Variants in XRN1 observed in about 807,000 individuals in gnomAD.
XRN1 encodes 5'-3' exoribonuclease 1, also known as strand-exchange protein 1 homolog.
Under a neutral mutation model 222.3 loss-of-function variants are expected in XRN1, and 67 were observed. That is an observed-to-expected ratio of 0.30 (90% CI 0.25 to 0.37). The LOEUF is 0.37. Ranked by LOEUF, XRN1 falls within the 10% of genes least tolerant of loss-of-function variation. XRN1 has a pLI of 1.00. For synonymous variants in XRN1, 643 were observed against 652.4 expected (o/e 0.99, Z 0.22); for missense variants, 1,707 against 2,000.2 (o/e 0.85, Z 2.80).
intron 1 of XRN1, among the ~76,000 whole-genome samples, chr3:142,438,971 C>T (rs1195289523): frequency 6.6e-6 from 1 of 151,930 alleles, no homozygotes; most frequent in Non-Finnish European, 1.5e-5. Flanking sequence ...CCAAAGGAGA[C>T]AGACAAAGGG....
rs1450227872 is a variant in XRN1, at chr3:142,332,591, T to C, written c.4063-57A>G. On this transcript the variant is annotated intron_variant, in intron 35 of 40. Coordinates refer to ENST00000392981, the MANE Select transcript of XRN1 (RefSeq NM_001282857.2). ...AGGGTGAAGAGAACAAAGTCAACAT[T>C]ACATCTGTAGAACTTATTGATCTTT... is the stretch of plus-strand genomic sequence containing the variant. 40 of 1,459,018 alleles carry C rather than the reference T, an allele frequency of 2.7e-5. No homozygotes were observed. In the Middle Eastern group the frequency reaches 5.5e-4, roughly 20 times the overall value. 90.4% of individuals were successfully genotyped at this position (1,459,018 alleles called of 1,614,324 possible).
rs776401099 is a variant in XRN1, at chr3:142,311,556, T to C, written c.5040A>G (p.Ser1680=). 8.1e-6 allele frequency: 13 copies of C among 1,610,704 alleles called. No homozygotes were observed. Among genetic ancestry groups the C allele is most frequent in the Non-Finnish European group, 1.1e-5 (13 of 1,177,818 alleles). Residue 1680 remains serine, a synonymous_variant, in exon 41 of 41, where the codon TCA becomes TCG. Transcript: ENST00000392981. Reference sequence around the variant, plus strand: ...CACCAAAATTAACAGCCAGTTTTCTTGATTTTCTTCTTGAAGAAGAGATTG... The same window carrying C: ...CACCAAAATTAACAGCCAGTTTTCTCGATTTTCTTCTTGAAGAAGAGATTG... The part of the protein sequence containing the change: ...STPISSSRRK[S]RKLAVNFGVS...
At chr3:142,412,337 G>A (rs1008300208) in intron 15 of XRN1, among the ~76,000 whole-genome samples, 1 of 151,942 alleles carries the variant, frequency 6.6e-6, no homozygotes, top group Non-Finnish European at 1.5e-5. Flanking sequence ...TCCTTGTTCT[G>A]AGGACTACTT....
Position 142,329,437 on chromosome 3 carries a change from T to C in XRN1, c.4401A>G (p.Pro1467=), listed in dbSNP as rs144514727. Residue 1467 remains proline (P), a synonymous_variant, in exon 37 of 41, where the codon CCA becomes CCG. Coordinates refer to ENST00000392981, the MANE Select transcript of XRN1 (RefSeq NM_001282857.2). ...ATAGAACAGTAGTATACTATACCTG[T>C]GGCATCCTAAGAAAGGAGAAATCAG... ...PQPDFSFLRM[P]QTMTVCQVKL... is the part of the protein sequence containing the mutation. 7 of 1,564,358 alleles carry C rather than the reference T, an allele frequency of 4.5e-6. No individual in the cohort carries two copies. The highest frequency in any genetic ancestry group is 6.0e-6 in the Non-Finnish European group (7 of 1,161,586).
intron 33 of XRN1, 36 bp downstream of exon 33, chr3:142,347,198 G>T: frequency 7.6e-7 from 1 of 1,320,754 alleles, no homozygotes; most frequent in Non-Finnish European, 1.1e-6. Context: ...AAAAGAAGCA[G>T]CACACACAAG....
rs1178140493 is a variant in XRN1 at position 142,375,944 on chromosome 3, G to T, written c.2832C>A (p.Asn944Lys). Residue 944 changes from asparagine (N) to lysine (K), a missense_variant and splice_region_variant, in exon 25 of 41, where the codon AAC (asparagine) becomes AAA (lysine). Coordinates refer to ENST00000392981, the MANE Select transcript of XRN1 (RefSeq NM_001282857.2). ...SIFIGRGSRR[N>K]PHGDHKANVG... ...CATTTGCTTTATGGTCTCCATGAGGGCTGAATTTAAACCACACATGCGCAC... is the reference window on the plus strand; with the variant it reads ...CATTTGCTTTATGGTCTCCATGAGGTCTGAATTTAAACCACACATGCGCAC... 1 of 1,610,660 alleles carries T rather than the reference G, an allele frequency of 6.2e-7. No homozygotes were observed. Among genetic ancestry groups the T allele is most frequent in the East Asian group, 2.2e-5 (1 of 44,802 alleles).
Position 142,359,949 on chromosome 3 carries a change from GA to G in XRN1, c.3395-19del. 3 of 1,537,872 alleles carry G rather than the reference GA, an allele frequency of 2.0e-6. No individual in the cohort carries two copies. Among genetic ancestry groups the G allele is most frequent in the Admixed American group, 4.0e-5 (2 of 50,216 alleles). ...TCTATTAGCTGTTACAATAGGGAGA[GA>G]AAAAGAGACACTAAAAAATCATATG... On this transcript the variant is annotated intron_variant, in intron 29 of 40. Transcript: ENST00000392981.
chr3:142,426,959 C>T, intron 2 of XRN1, 118 bp from the exon 3 acceptor site: 1 of 681,764 alleles, frequency 1.5e-6, no homozygotes, highest in Non-Finnish European at 2.5e-6. Flanking sequence ...TTTTAACGTT[C>T]AAAACATACA....
At chr3:142,316,236 G>A (rs74735191) in intron 39 of XRN1, among the ~76,000 whole-genome samples, 1 of 28,990 alleles carries the variant, frequency 3.4e-5, no homozygotes, top group African/African-American at 1.4e-4. Context: ...TTTTTTTTTT[G>A]AGACAGGTCT....
intron 20 of XRN1, among the ~76,000 whole-genome samples, chr3:142,393,917 C>G (rs574602327): frequency 3.9e-4 from 59 of 152,112 alleles, no homozygotes; most frequent in African/African-American, 1.3e-3. Flanking sequence ...ACCTCTGCCT[C>G]CCAGGTTCAA....
intron 2 of XRN1, among the ~76,000 whole-genome samples, chr3:142,427,283 T>C (rs983213961): frequency 2.0e-5 from 3 of 152,118 alleles, no homozygotes; most frequent in Non-Finnish European, 2.9e-5. Context: ...CAATGAGTGA[T>C]GATTGTACCC....
intron 39 of XRN1, among the ~76,000 whole-genome samples, chr3:142,315,734 C>T (rs762905066): frequency 1.1e-4 from 16 of 151,734 alleles, no homozygotes; most frequent in Non-Finnish European, 1.9e-4. Context: ...AGGCTGGTCT[C>T]GAACTCCTGA....
At chr3:142,323,297 T>G (rs182179112) in intron 37 of XRN1, among the ~76,000 whole-genome samples, 229 of 151,834 alleles carry the variant, frequency 1.5e-3, no homozygotes, top group African/African-American at 5.4e-3. Context: ...TTTTTTTGTT[T>G]TTTTTTTTTA....
chr3:142,327,896 T>G (rs1357246602), intron 37 of XRN1, among the ~76,000 whole-genome samples: 1 of 152,196 alleles, frequency 6.6e-6, no homozygotes, highest in Non-Finnish European at 1.5e-5. Flanking sequence ...TACACATTAT[T>G]TAGCTCCCAC....
Position 142,441,218 on chromosome 3 carries a change from G to A in XRN1, c.75+6652C>T, listed in dbSNP as rs188661582. On this transcript the variant is annotated intron_variant, in intron 1 of 40. Transcript: ENST00000392981. ...CATCCCCAAACCCTAAAGCAACTAAGAGGGTTCCTTGGCATAACAGGTTTC... is the reference window on the plus strand; with the variant it reads ...CATCCCCAAACCCTAAAGCAACTAAAAGGGTTCCTTGGCATAACAGGTTTC... 2.0e-5 allele frequency among the ~76,000 whole-genome samples: 3 copies of A among 152,314 alleles called. No homozygotes were observed. In the East Asian group the frequency reaches 5.8e-4, roughly 29 times the overall value.
rs1316198458 is a variant in XRN1, at chr3:142,309,867, C to T, written c.*1644G>A. 6.6e-6 allele frequency: 1 copy of T among 152,130 alleles called. No individual in the cohort carries two copies. Among genetic ancestry groups the T allele is most frequent in the Non-Finnish European group, 1.5e-5 (1 of 68,018 alleles). 9.4% of individuals were successfully genotyped at this position (152,130 alleles called of 1,614,324 possible). On this transcript the variant is annotated 3_prime_UTR_variant, in exon 41 of 41. Coordinates refer to ENST00000392981, the MANE Select transcript of XRN1 (RefSeq NM_001282857.2). ...CCATAATAGATGTTTCCTTTAAAAACAAAGAGAGAGTTTATGAGGCAATAA... is the reference window on the plus strand; with the variant it reads ...CCATAATAGATGTTTCCTTTAAAAATAAAGAGAGAGTTTATGAGGCAATAA...
intron 8 of XRN1, among the ~76,000 whole-genome samples, chr3:142,422,031 T>G (rs1171820539): frequency 6.6e-6 from 1 of 152,216 alleles, no homozygotes; most frequent in Non-Finnish European, 1.5e-5. Flanking sequence ...TAAAGTATGC[T>G]GGCTTTCTTA....
chr3:142,369,954 G>T (rs534173626), intron 27 of XRN1, among the ~76,000 whole-genome samples: 1 of 151,508 alleles, frequency 6.6e-6, no homozygotes, highest in Non-Finnish European at 1.5e-5. Flanking sequence ...GGCTGAGGCA[G>T]GAGAATTGCT....
At chr3:142,445,393 G>T (rs1387573756) in intron 1 of XRN1, among the ~76,000 whole-genome samples, 1 of 152,158 alleles carries the variant, frequency 6.6e-6, no homozygotes, top group East Asian at 1.9e-4. Flanking sequence ...TGTCTGGAGA[G>T]ATACTCTGTC....
Sources: gnomAD v4.1 joint callset for allele counts (sites outside exome capture counted in the v4.1 genomes callset) on GRCh38, gnomAD v4.1.1 for gene constraint, MANE v1.5 for transcripts, NCBI Gene and HGNC (gene_info 2026-07-23, HGNC 2026-07-21) for gene names.